ZNF596: variants seen among roughly 807,000 people sequenced by gnomAD.
ZNF596 encodes zinc finger protein 596.
A neutral mutation model predicts 48.3 loss-of-function variants in ZNF596; 45 were observed. The observed-to-expected ratio is 0.93, with a 90% CI of 0.73 to 1.19. The LOEUF is 1.19. ZNF596 is among the 50% of genes most tolerant of loss of function. The pLI, the probability that ZNF596 is intolerant of heterozygous loss-of-function variation, is 0.00. For missense variants in ZNF596, 848 were observed against 599.7 expected (o/e 1.41, Z -4.32); for synonymous variants, 270 against 202.0 (o/e 1.34, Z -2.85).
At chr8:239,681 G>T (rs912219872) in intron 1 of ZNF596, among the ~76,000 whole-genome samples, 2 of 152,160 alleles carry the variant, frequency 1.3e-5, no homozygotes, top group African/African-American at 4.8e-5. Context: ...CAAGCAGTTG[G>T]GGGGTACCAT....
Position 246,807 on chromosome 8 carries a change from T to C in ZNF596, c.*445T>C, listed in dbSNP as rs879370865. On this transcript the variant is annotated 3_prime_UTR_variant, in exon 6 of 6. Coordinates refer to ENST00000398612, the MANE Select transcript of ZNF596 (RefSeq NM_001042416.3). ...TTGGTGTGTGCAAGAAAATTCATTA[T>C]AAGGTAACTGATAAAAACAGGAAAT... The C allele has an allele frequency of 1.3e-5, 2 of 155,784 alleles. No individual in the cohort carries two copies. The highest frequency in any genetic ancestry group is 2.8e-5 in the Non-Finnish European group (2 of 70,560). 9.7% of individuals were successfully genotyped at this position (155,784 alleles called of 1,614,324 possible). A position where few individuals can be genotyped will look rare whatever the true frequency, so the allele number is the denominator to read the frequency against.
chr8:242,286 T>C (rs544569541), intron 2 of ZNF596, among the ~76,000 whole-genome samples: 2 of 152,362 alleles, frequency 1.3e-5, no homozygotes, highest in South Asian at 4.1e-4. Context: ...CATCTGCTGA[T>C]ACCAAGTTCT....
At chr8:234,578 A>G (rs563722990) in intron 1 of ZNF596, 1 of 152,238 alleles carries the variant, frequency 6.6e-6, no homozygotes, top group Non-Finnish European at 1.5e-5. Flanking sequence ...AAAGGATTAG[A>G]TATGGCACTT....
At chr8:244,755 AC>A (rs1157647097) in intron 5 of ZNF596, 54 bp downstream of exon 5, 1 of 1,476,178 alleles carries the variant, frequency 6.8e-7, no homozygotes, top group Non-Finnish European at 9.3e-7. Flanking sequence ...TGGACATTAA[AC>A]AACTTTGGAA....
Position 240,771 on chromosome 8 carries a change from A to G in ZNF596, c.-72-53A>G, listed in dbSNP as rs60569865. 3.3e-6 allele frequency: 4 copies of G among 1,222,430 alleles called. No individual in the cohort carries two copies. The African/African-American group carries it at 4.5e-5, about 14-fold the overall frequency. 75.7% of individuals were successfully genotyped at this position (1,222,430 alleles called of 1,614,324 possible). ...CTAATAGCTTTGGGGCAGATGTTAGAAGCAAAACTGGAGTGTCATGGTTTT... is the reference window on the plus strand; with the variant it reads ...CTAATAGCTTTGGGGCAGATGTTAGGAGCAAAACTGGAGTGTCATGGTTTT... On this transcript the variant is annotated intron_variant, in intron 1 of 5. Transcript: ENST00000398612.
rs997116821 is a variant in ZNF596, at chr8:233,063, G to C, written c.-73+369G>C. On this transcript the variant is annotated intron_variant, in intron 1 of 5. Coordinates refer to ENST00000398612, the MANE Select transcript of ZNF596 (RefSeq NM_001042416.3). ...GTGGATGTCGAGGTGGGGCAGGAGA[G>C]TGAGGAGAAAACAGAGGAGGGAGGT... is the stretch of plus-strand genomic sequence containing the variant. The C allele has an allele frequency of 2.6e-5, 12 of 468,306 alleles. No individual in the cohort carries two copies. In the East Asian group the frequency reaches 3.5e-4, roughly 14 times the overall value. 29.0% of individuals were successfully genotyped at this position (468,306 alleles called of 1,614,324 possible).
rs1274276550 is a variant in ZNF596, at chr8:245,461, G to T, written c.614G>T (p.Ser205Ile). The T allele has an allele frequency of 6.2e-7, 1 of 1,614,176 alleles. No homozygotes were observed. The highest frequency in any genetic ancestry group is 1.3e-5 in the African/African-American group (1 of 75,048). The stretch of plus-strand genomic sequence containing the variant: ...TGTCGTGTGTGTGGGAAAACCTTTA[G>T]CAAAAATTCTAATCTTAGGCGACAT... ...LECRVCGKTF[S>I]KNSNLRRHEM... The change falls in exon 6 of 6, where the codon AGC becomes ATC. Residue 205 changes from serine to isoleucine, a missense_variant. Transcript: ENST00000398612.
chr8:241,080 T>A (rs1265245518), intron 2 of ZNF596, among the ~76,000 whole-genome samples, 173 bp downstream of exon 2: 1 of 152,204 alleles, frequency 6.6e-6, no homozygotes, highest in Non-Finnish European at 1.5e-5. Flanking sequence ...CAAGAAGTAA[T>A]GTCCTTTCAA....
intron 1 of ZNF596, among the ~76,000 whole-genome samples, chr8:238,628 CAAAAAA>C (rs1167168569): frequency 2.0e-3 from 80 of 39,854 alleles, no homozygotes; most frequent in Middle Eastern, 0.014. Flanking sequence ...TGGTGAAATA[CAAAAAA>C]AAAAAAAAAA....
At chr8:245,073 T>TTCTAGA (rs1797008128) in intron 5 of ZNF596, 81 bp from the exon 6 acceptor site, 1 of 1,453,356 alleles carries the variant, frequency 6.9e-7, no homozygotes, top group African/African-American at 1.4e-5. Flanking sequence ...TATTCTAGAA[T>TTCTAGA]TAATATGTAG....
chr8:242,482 A>G (rs1796892387), intron 2 of ZNF596, among the ~76,000 whole-genome samples: 1 of 152,222 alleles, frequency 6.6e-6, no homozygotes, highest in South Asian at 2.1e-4. Flanking sequence ...ATATCTAACT[A>G]TAGTCTTGAT....
chr8:238,484 C>G (rs1331136073), intron 1 of ZNF596, among the ~76,000 whole-genome samples: 1 of 151,940 alleles, frequency 6.6e-6, no homozygotes, highest in Non-Finnish European at 1.5e-5. Context: ...CAAAATAAAT[C>G]TCCAATAATT....
In ZNF596 at chr8:242,369, A is replaced by C. The variant is rs563144357; in HGVS notation, c.13-518A>C. Among the ~76,000 whole-genome samples the C allele has an allele frequency of 2.2e-4, 34 of 152,354 alleles. 1 individual carries two copies. The highest frequency in any genetic ancestry group is 1.8e-3 in the Admixed American group (28 of 15,296). ...TAATGTATTTGTGGCTTGTATCTAA[A>C]AAGTGATAGATAGGAACCACTTTAC... On this transcript the variant is annotated intron_variant, in intron 2 of 5. Transcript: ENST00000398612.
In ZNF596 at chr8:232,496, G is replaced by T. The variant is rs1039412563; in HGVS notation, c.-271G>T. 5 of 303,234 alleles carry T rather than the reference G, an allele frequency of 1.6e-5. No homozygotes were observed. Among genetic ancestry groups the T allele is most frequent in the African/African-American group, 9.2e-5 (4 of 43,534 alleles). 18.8% of individuals were successfully genotyped at this position (303,234 alleles called of 1,614,324 possible). On this transcript the variant is annotated 5_prime_UTR_variant, in exon 1 of 6. Coordinates refer to ENST00000398612, the MANE Select transcript of ZNF596 (RefSeq NM_001042416.3). Reference sequence around the variant, plus strand: ...GCGTCCTCCACACCCGGGGTCTGCTGGTCTCCGCGGATGTCACAGGCTCGG... The same window carrying T: ...GCGTCCTCCACACCCGGGGTCTGCTTGTCTCCGCGGATGTCACAGGCTCGG...
Position 245,261 on chromosome 8 carries a change from C to G in ZNF596, c.414C>G (p.His138Gln), listed in dbSNP as rs534644118. The G allele has an allele frequency of 1.2e-6, 2 of 1,614,042 alleles. No homozygotes were observed. Among genetic ancestry groups the G allele is most frequent in the South Asian group, 2.2e-5 (2 of 91,066 alleles). Residue 138 changes from histidine (H) to glutamine (Q), a missense_variant, in exon 6 of 6, where the codon CAC (histidine) becomes CAG (glutamine). Physicochemically the swap from His to Gln is conservative, Grantham distance 24. Coordinates refer to ENST00000398612, the MANE Select transcript of ZNF596 (RefSeq NM_001042416.3). ...QNVITYMRTK[H>Q]FVSKKFGKIF... The stretch of plus-strand genomic sequence containing the variant: ...TGATTACCTACATGAGAACGAAACA[C>G]TTTGTAAGCAAAAAGTTTGGGAAAA...
Position 245,241 on chromosome 8 carries a change from A to G in ZNF596, c.394A>G (p.Thr132Ala). 6.2e-7 allele frequency: 1 copy of G among 1,614,082 alleles called. No individual in the cohort carries two copies. The highest frequency in any genetic ancestry group is 8.5e-7 in the Non-Finnish European group (1 of 1,179,988). Residue 132 changes from threonine to alanine, a missense_variant, in exon 6 of 6, where the codon ACC becomes GCC. By Grantham distance (58) the Thr-to-Ala change is moderately conservative. Coordinates refer to ENST00000398612, the MANE Select transcript of ZNF596 (RefSeq NM_001042416.3). ...QHIALTQNVI[T>A]YMRTKHFVSK... ...TATAGCATTGACTCAAAATGTGATT[A>G]CCTACATGAGAACGAAACACTTTGT...
chr8:245,511 C>T lies in ZNF596; in HGVS notation c.664C>T (p.Pro222Ser). Reference sequence around the variant, plus strand: ...TGAGATGATTCACACTGGAGAGAAACCACACGGATGTCATCTATGTGGGAA... The same window carrying T: ...TGAGATGATTCACACTGGAGAGAAATCACACGGATGTCATCTATGTGGGAA... ...RHEMIHTGEK[P>S]HGCHLCGKAF... Residue 222 changes from proline (P) to serine (S), a missense_variant, in exon 6 of 6, where the codon CCA becomes TCA. Physicochemically the swap from Pro to Ser is moderately conservative, Grantham distance 74. Transcript: ENST00000398612. 1 of 1,614,120 alleles carries T rather than the reference C, an allele frequency of 6.2e-7. No homozygotes were observed. Among genetic ancestry groups the T allele is most frequent in the Non-Finnish European group, 8.5e-7 (1 of 1,179,998 alleles).
rs549331655 is a variant in ZNF596, at chr8:232,497, G to A, written c.-270G>A. 3.3e-6 allele frequency: 1 copy of A among 303,150 alleles called. No individual in the cohort carries two copies. The highest frequency in any genetic ancestry group is 2.8e-5 in the South Asian group (1 of 35,166). 18.8% of individuals were successfully genotyped at this position (303,150 alleles called of 1,614,324 possible). A position where few individuals can be genotyped will look rare whatever the true frequency, so the allele number is the denominator to read the frequency against. On this transcript the variant is annotated 5_prime_UTR_variant, in exon 1 of 6. Transcript: ENST00000398612. ...CGTCCTCCACACCCGGGGTCTGCTG[G>A]TCTCCGCGGATGTCACAGGCTCGGC...
At chr8:245,000 A>C (rs1797004492) in intron 5 of ZNF596, among the ~76,000 whole-genome samples, 154 bp from the exon 6 acceptor site, 1 of 152,238 alleles carries the variant, frequency 6.6e-6, no homozygotes, top group African/African-American at 2.4e-5. Context: ...GCAGTTAGAT[A>C]ATATACTACG....
Sources: allele counts gnomAD v4.1 joint callset (sites outside exome capture counted in the v4.1 genomes callset), GRCh38; gene constraint gnomAD v4.1.1; transcripts MANE v1.5; gene names NCBI Gene and HGNC (gene_info 2026-07-23, HGNC 2026-07-21).